Variants in CDKL2 observed in about 807,000 individuals in gnomAD.
The protein encoded by CDKL2 is cyclin dependent kinase like 2, also known as cyclin-dependent kinase-like 2.
Under a neutral mutation model 63.9 loss-of-function variants are expected in CDKL2, and 64 were observed. The ratio of observed to expected loss-of-function variants is 1.00; its 90% CI spans 0.82 to 1.23. The LOEUF (loss-of-function observed/expected upper bound fraction) is 1.23. Among genes scored for constraint, CDKL2 ranks in the 50% most tolerant of loss-of-function variants. The probability of loss-of-function intolerance (pLI) is 0.00; values close to 1 mark genes in which losing one functional copy is unlikely to be tolerated. For synonymous variants in CDKL2, 211 were observed against 229.2 expected, an observed-to-expected ratio of 0.92 and a Z score of 0.72; for missense variants, 656 against 668.0, an observed-to-expected ratio of 0.98 and a Z score of 0.20.
chr4:75,619,093 G>A (rs1208658274), intron 2 of CDKL2, among the ~76,000 whole-genome samples: 1 of 152,114 alleles, frequency 6.6e-6, no homozygotes, highest in Non-Finnish European at 1.5e-5. Context: ...AAGATAAAAA[G>A]AGACTATAAG....
chr4:75,578,289 G>T lies in CDKL2; in HGVS notation c.*913C>A, dbSNP rs994172902. ...CTTAAACTACCAGGGGACAAAAGTG[G>T]AGTCCATAATAATGAACGTTCTCTC... is the stretch of plus-strand genomic sequence containing the variant. On this transcript the variant is annotated 3_prime_UTR_variant, in exon 14 of 14. Coordinates refer to ENST00000307465, the MANE Select transcript of CDKL2 (RefSeq NM_001330724.2). 2 of 152,158 alleles carry T rather than the reference G, an allele frequency of 1.3e-5. No homozygotes were observed. Among genetic ancestry groups the T allele is most frequent in the African/African-American group, 4.8e-5 (2 of 41,428 alleles). 9.4% of individuals were successfully genotyped at this position (152,158 alleles called of 1,614,324 possible).
intron 12 of CDKL2, among the ~76,000 whole-genome samples, chr4:75,591,073 C>T (rs1728693420): frequency 6.6e-6 from 1 of 151,946 alleles, no homozygotes; most frequent in South Asian, 2.1e-4. Context: ...TATGGAATAG[C>T]AAATCTTTAA....
At chr4:75,602,181 T>A (rs1729223499) in intron 6 of CDKL2, among the ~76,000 whole-genome samples, 3 of 151,804 alleles carry the variant, frequency 2.0e-5, no homozygotes, top group Admixed American at 2.0e-4. Context: ...TTGTTGTTGT[T>A]GTTTGTTTGT....
At chr4:75,602,203 T>C (rs975605153) in intron 6 of CDKL2, among the ~76,000 whole-genome samples, 11 of 152,008 alleles carry the variant, frequency 7.2e-5, no homozygotes, top group African/African-American at 2.4e-4. Flanking sequence ...TTTTTTGACA[T>C]GGAGTCTCGC....
rs555872736 is a variant in CDKL2 at position 75,576,721 on chromosome 4, T to C, written c.*2481A>G. ...AACAAATCGATCACATTTTTCAGTC[T>C]AGTCTGATACATAGTGTATTACAGG... On this transcript the variant is annotated 3_prime_UTR_variant, in exon 14 of 14. Coordinates refer to ENST00000307465, the MANE Select transcript of CDKL2 (RefSeq NM_001330724.2). Among the ~76,000 whole-genome samples, 23 of 152,354 alleles carry C rather than the reference T, an allele frequency of 1.5e-4. No individual in the cohort carries two copies. Among genetic ancestry groups the C allele is most frequent in the African/African-American group, 4.3e-4 (18 of 41,592 alleles).
chr4:75,596,422 C>A, intron 9 of CDKL2, 82 bp from the exon 10 acceptor site: 1 of 786,346 alleles, frequency 1.3e-6, no homozygotes, highest in Non-Finnish European at 2.2e-6. Context: ...GACACAGCAC[C>A]AACTAACAAG....
chr4:75,622,023 A>T (rs900646998), intron 2 of CDKL2, among the ~76,000 whole-genome samples: 6 of 152,186 alleles, frequency 3.9e-5, no homozygotes, highest in Non-Finnish European at 7.3e-5. Context: ...GGGTAACTGA[A>T]GTTAAAATTT....
In CDKL2 at chr4:75,576,580, A is replaced by C. The variant is rs1405463065; in HGVS notation, c.*2622T>G. Among the ~76,000 whole-genome samples the C allele has an allele frequency of 2.6e-5, 4 of 152,340 alleles. No homozygotes were observed. The highest frequency in any genetic ancestry group is 9.6e-5 in the African/African-American group (4 of 41,582). On this transcript the variant is annotated 3_prime_UTR_variant, in exon 14 of 14. Transcript: ENST00000307465. Reference sequence around the variant, plus strand: ...AAAAACACTTAATGCAAAAAACAACAGAGAAAAATCCATTCAGTCCAATTC... The same window carrying C: ...AAAAACACTTAATGCAAAAAACAACCGAGAAAAATCCATTCAGTCCAATTC...
chr4:75,603,636 G>A (rs757881321), intron 6 of CDKL2, among the ~76,000 whole-genome samples, 181 bp downstream of exon 6: 6 of 149,366 alleles, frequency 4.0e-5, no homozygotes, highest in East Asian at 2.0e-4. Context: ...AGGTTGAGGC[G>A]GAAGAATGGT....
At chr4:75,628,575 A>T (rs1313061992) in intron 1 of CDKL2, among the ~76,000 whole-genome samples, 1 of 152,212 alleles carries the variant, frequency 6.6e-6, no homozygotes. Flanking sequence ...ATAGATTTTA[A>T]CTATCTATTA....
chr4:75,604,114 GGTGGTATAT>G (rs1192246198), intron 5 of CDKL2, among the ~76,000 whole-genome samples, 158 bp from the exon 6 acceptor site: 1 of 152,144 alleles, frequency 6.6e-6, no homozygotes, highest in Non-Finnish European at 1.5e-5. Context: ...CCGTTACTGT[GGTGGTATAT>G]GGCAGTCTTA....
At position 75,592,132 on chromosome 4, in the gene CDKL2, C is replaced by T. The variant is rs1405771806; in HGVS notation, c.1540+14G>A. ...CTAAACAGACTACACAAAGTAAAAG[C>T]ATTATCAACACACCTATGCCTCCCA... On this transcript the variant is annotated intron_variant, in intron 11 of 13. Coordinates refer to ENST00000307465, the MANE Select transcript of CDKL2 (RefSeq NM_001330724.2). 6.6e-6 allele frequency: 10 copies of T among 1,517,932 alleles called. No homozygotes were observed. The highest frequency in any genetic ancestry group is 7.9e-6 in the Non-Finnish European group (9 of 1,142,024). 94.0% of individuals were successfully genotyped at this position (1,517,932 alleles called of 1,614,324 possible).
At chr4:75,614,817 G>C (rs1729854330) in intron 2 of CDKL2, among the ~76,000 whole-genome samples, 2 of 133,906 alleles carry the variant, frequency 1.5e-5, no homozygotes, top group Non-Finnish European at 3.2e-5. Context: ...ATCATCTGTG[G>C]CTACAAAGCT....
intron 1 of CDKL2, 104 bp downstream of exon 1, chr4:75,629,938 C>CAAAAAAA (rs747587721): frequency 3.6e-4 from 27 of 74,200 alleles, no homozygotes; most frequent in Non-Finnish European, 5.8e-4. Flanking sequence ...AACTCCGTCT[C>CAAAAAAA]AAAAAAAAAA....
At position 75,577,524 on chromosome 4, in the gene CDKL2, A is replaced by G. The variant is rs763427249; in HGVS notation, c.*1678T>C. Among the ~76,000 whole-genome samples the G allele has an allele frequency of 6.6e-6, 1 of 152,210 alleles. No homozygotes were observed. Among genetic ancestry groups the G allele is most frequent in the Non-Finnish European group, 1.5e-5 (1 of 68,014 alleles). Reference sequence around the variant, plus strand: ...GGCAATTGATCCTAGAACCTCAACCATTGAGCTGATATTCTCACACTGATC... The same window carrying G: ...GGCAATTGATCCTAGAACCTCAACCGTTGAGCTGATATTCTCACACTGATC... On this transcript the variant is annotated 3_prime_UTR_variant, in exon 14 of 14. Coordinates refer to ENST00000307465, the MANE Select transcript of CDKL2 (RefSeq NM_001330724.2).
At chr4:75,629,404 C>A (rs757990055) in intron 1 of CDKL2, among the ~76,000 whole-genome samples, 5 of 152,208 alleles carry the variant, frequency 3.3e-5, no homozygotes, top group Non-Finnish European at 7.3e-5. Flanking sequence ...ATTGAACACA[C>A]CTGCTTTTTC....
At chr4:75,604,749 A>T (rs1177824345) in intron 5 of CDKL2, among the ~76,000 whole-genome samples, 2 of 152,224 alleles carry the variant, frequency 1.3e-5, no homozygotes, top group Non-Finnish European at 2.9e-5. Context: ...TCCTCTCTAC[A>T]TGTAATTAAC....
intron 1 of CDKL2, 111 bp downstream of exon 1, chr4:75,629,931 T>C (rs1730599174): frequency 1.5e-5 from 1 of 66,724 alleles, no homozygotes; most frequent in African/African-American, 5.7e-5. Context: ...AGAGTGAAAC[T>C]CCGTCTCAAA....
intron 12 of CDKL2, among the ~76,000 whole-genome samples, chr4:75,584,065 T>C (rs1323488977): frequency 6.6e-6 from 1 of 152,222 alleles, no homozygotes; most frequent in Non-Finnish European, 1.5e-5. Context: ...AGTACCGATA[T>C]GAAGGGACTT....
Sources: gnomAD v4.1 joint callset for allele counts (sites outside exome capture counted in the v4.1 genomes callset) on GRCh38, gnomAD v4.1.1 for gene constraint, MANE v1.5 for transcripts, NCBI Gene and HGNC (gene_info 2026-07-23, HGNC 2026-07-21) for gene names.